The following ARHGAP6 variants were observed in gnomAD, a reference collection of about 807,000 sequenced individuals.
ARHGAP6 encodes the protein Rho GTPase activating protein 6.
A neutral mutation model predicts 55.7 loss-of-function variants in ARHGAP6; 16 were observed. The ratio of observed to expected loss-of-function variants is 0.29; its 90% CI spans 0.19 to 0.44. ARHGAP6 has a LOEUF of 0.44. Ranked by LOEUF, ARHGAP6 falls within the 20% of genes least tolerant of loss-of-function variation. The pLI is 1.00. For missense variants in ARHGAP6, 698 were observed against 808.9 expected (o/e 0.86, Z 1.66); for synonymous variants, 382 against 360.9 (o/e 1.06, Z -0.66).
intron 2 of ARHGAP6, among the ~76,000 whole-genome samples, chrX:11,228,799 T>C (rs1202675612): frequency 8.9e-6 from 1 of 112,218 alleles, no homozygotes; most frequent in Non-Finnish European, 1.9e-5. Context: ...ATGAAAAAAC[T>C]TGAACCTATG....
At chrX:11,573,110 G>A (rs992919434) in intron 1 of ARHGAP6, among the ~76,000 whole-genome samples, 7 of 111,384 alleles carry the variant, frequency 6.3e-5, no homozygotes, top group Admixed American at 9.6e-5. Context: ...AGTAGGTTGC[G>A]AAAATGTTCT....
intron 1 of ARHGAP6, among the ~76,000 whole-genome samples, chrX:11,568,426 G>C (rs1391080322): frequency 8.9e-6 from 1 of 112,328 alleles, no homozygotes; most frequent in Non-Finnish European, 1.9e-5. Context: ...TTCAGCAATG[G>C]TAAAATTGCT....
chrX:11,276,214 C>T (rs2047762925), intron 1 of ARHGAP6, among the ~76,000 whole-genome samples: 2 of 111,228 alleles, frequency 1.8e-5, no homozygotes, highest in South Asian at 3.8e-4. Flanking sequence ...ACACTCATCT[C>T]CCCCCGACCC....
rs35315280 is a variant in ARHGAP6, at chrX:11,493,835, C to CTTTTT, written c.588+170401_588+170405dup. Among the ~76,000 whole-genome samples the CTTTTT allele has an allele frequency of 2.3e-3, 201 of 88,380 alleles. 5 individuals carry two copies. The highest frequency in any genetic ancestry group is 6.3e-3 in the African/African-American group (153 of 24,156). 76.7% of individuals were successfully genotyped at this position (88,380 alleles called of 115,157 possible). On this transcript the variant is annotated intron_variant, in intron 1 of 12. Coordinates refer to ENST00000337414, the MANE Select transcript of ARHGAP6 (RefSeq NM_013427.3). ...AGATTTCCCATACAAAACAGAATGC[C>CTTTTT]TTTTTTTTTTTTTTTTTGAGATGGG...
intron 2 of ARHGAP6, among the ~76,000 whole-genome samples, chrX:11,246,683 C>A (rs764216169): frequency 3.6e-5 from 4 of 111,573 alleles, no homozygotes; most frequent in Non-Finnish European, 5.7e-5. Context: ...ACAATCAGCT[C>A]CACAGTTCAC....
At chrX:11,596,445 G>T (rs2051904544) in intron 1 of ARHGAP6, among the ~76,000 whole-genome samples, 1 of 111,075 alleles carries the variant, frequency 9.0e-6, no homozygotes, top group Admixed American at 9.5e-5. Context: ...GTAGGGGAGG[G>T]ATAACATTAG....
At chrX:11,480,876 T>C (rs900808269) in intron 1 of ARHGAP6, among the ~76,000 whole-genome samples, 5 of 112,059 alleles carry the variant, frequency 4.5e-5, no homozygotes, top group African/African-American at 1.3e-4. Context: ...TTCTCTTATC[T>C]AGCAAGAGCT....
intron 1 of ARHGAP6, among the ~76,000 whole-genome samples, chrX:11,361,514 T>G (rs1468269754): frequency 9.0e-6 from 1 of 110,712 alleles, no homozygotes; most frequent in African/African-American, 3.3e-5. Context: ...CAAGATGGAT[T>G]AAAGACTTAA....
chrX:11,640,892 G>A (rs1033331633), intron 1 of ARHGAP6, among the ~76,000 whole-genome samples: 1 of 111,425 alleles, frequency 9.0e-6, no homozygotes, highest in African/African-American at 3.3e-5. Flanking sequence ...TTTTATCCCA[G>A]TTTAATATTG....
rs1250985513 is a variant in ARHGAP6 at position 11,186,356 on chromosome X, A to T, written c.1153T>A (p.Leu385Met). ...SRLLEALQLSLPAEAQSKKEK... is the reference protein window; with the variant it reads ...SRLLEALQLSMPAEAQSKKEK... Reference sequence around the variant, plus strand: ...TTTTTACTTTGAGCCTCAGCAGGCAAGGAAAGTTGTAAAGCTTCTAGTAGT... The same window carrying T: ...TTTTTACTTTGAGCCTCAGCAGGCATGGAAAGTTGTAAAGCTTCTAGTAGT... The change falls in exon 5 of 13, where the codon TTG (leucine) becomes ATG (methionine). Residue 385 changes from leucine (L) to methionine (M), a missense_variant. By Grantham distance (15) the Leu-to-Met change is conservative. This residue lies in a region of ARHGAP6 where 322 missense variants were observed against 451.1 expected (regional missense o/e 0.71). Coordinates refer to ENST00000337414, the MANE Select transcript of ARHGAP6 (RefSeq NM_013427.3). 1 of 1,211,424 alleles carries T rather than the reference A, an allele frequency of 8.3e-7. No individual in the cohort carries two copies. The highest frequency in any genetic ancestry group is 2.2e-5 in the Admixed American group (1 of 45,982).
chrX:11,647,063 G>A (rs888264532), intron 1 of ARHGAP6, among the ~76,000 whole-genome samples: 1 of 112,043 alleles, frequency 8.9e-6, no homozygotes, highest in African/African-American at 3.2e-5. Flanking sequence ...AACCAGACAC[G>A]TTCTGCTCCT....
intron 1 of ARHGAP6, among the ~76,000 whole-genome samples, chrX:11,500,390 G>A (rs1407622889): frequency 2.8e-5 from 3 of 106,501 alleles, no homozygotes; most frequent in Non-Finnish European, 1.9e-5. Context: ...GGCCAGGTGC[G>A]GTGACTCACG....
At chrX:11,287,755 A>C (rs1271394859) in intron 1 of ARHGAP6, among the ~76,000 whole-genome samples, 1 of 112,290 alleles carries the variant, frequency 8.9e-6, no homozygotes, top group Non-Finnish European at 1.9e-5. Context: ...AATAGCCTCT[A>C]TGTCTATCCA....
intron 1 of ARHGAP6, among the ~76,000 whole-genome samples, chrX:11,629,003 GTGTGTGTGTGTGTGTGTA>G (rs2052330925): frequency 9.0e-6 from 1 of 111,161 alleles, no homozygotes; most frequent in African/African-American, 3.3e-5. Flanking sequence ...GTGTGTGTGT[GTGTGTGTGTGTGTGTGTA>G]TACACGAGCT....
intron 10 of ARHGAP6, among the ~76,000 whole-genome samples, chrX:11,147,895 T>C (rs185299246): frequency 8.9e-6 from 1 of 112,429 alleles, no homozygotes; most frequent in Non-Finnish European, 1.9e-5. Context: ...CCTTTCAGGC[T>C]ACAACTGTCA....
chrX:11,473,899 C>T (rs1029113540), intron 1 of ARHGAP6, among the ~76,000 whole-genome samples: 2 of 111,435 alleles, frequency 1.8e-5, no homozygotes, highest in African/African-American at 6.5e-5. Context: ...ACTCCAGCAG[C>T]TTGACCTTCT....
intron 1 of ARHGAP6, among the ~76,000 whole-genome samples, chrX:11,369,317 T>C (rs1481355680): frequency 9.0e-6 from 1 of 111,282 alleles, no homozygotes; most frequent in East Asian, 2.8e-4. Flanking sequence ...AATGTATCAC[T>C]GGGGGCTTCT....
chrX:11,147,238 C>G (rs933096309), intron 10 of ARHGAP6, among the ~76,000 whole-genome samples: 1 of 111,849 alleles, frequency 8.9e-6, no homozygotes, highest in East Asian at 2.8e-4. Flanking sequence ...CATATGCACA[C>G]ATATACATAT....
At chrX:11,552,599 T>TATATATATATACAC (rs1491079107) in intron 1 of ARHGAP6, among the ~76,000 whole-genome samples, 2 of 48,229 alleles carry the variant, frequency 4.1e-5, no homozygotes, top group Non-Finnish European at 7.6e-5. Flanking sequence ...TATATATATA[T>TATATATATATACAC]AGACACACAC....
Sources: gnomAD v4.1 joint callset for allele counts (sites outside exome capture counted in the v4.1 genomes callset) on GRCh38, gnomAD v4.1.1 for gene constraint, gnomAD v4.1.1 regional missense constraint, MANE v1.5 for transcripts, NCBI Gene and HGNC (gene_info 2026-07-23, HGNC 2026-07-21) for gene names.